Variants in ANKHD1 observed in about 807,000 individuals in gnomAD.
ANKHD1 encodes ankyrin repeat and KH domain-containing protein 1.
ANKHD1 carries 31 observed loss-of-function variants against 230.5 expected under a neutral mutation model. That is an observed-to-expected ratio of 0.13 (90% confidence interval 0.10 to 0.18). The LOEUF (loss-of-function observed/expected upper bound fraction) is 0.18. Ranked by LOEUF, ANKHD1 falls within the 10% of genes least tolerant of loss-of-function variation. ANKHD1 has a pLI of 1.00. For missense variants in ANKHD1, 2,256 were observed against 3,071.3 expected (o/e 0.73, Z 6.27); for synonymous variants, 1,074 against 1,117.6 (o/e 0.96, Z 0.78).
At chr5:140,504,566 C>A (rs1752466162) in intron 15 of ANKHD1, among the ~76,000 whole-genome samples, 1 of 152,096 alleles carries the variant, frequency 6.6e-6, no homozygotes, top group Non-Finnish European at 1.5e-5. Flanking sequence ...CAATAACCTT[C>A]CAAGGCAGGT....
chr5:140,405,941 T>C (rs937725797), intron 1 of ANKHD1, among the ~76,000 whole-genome samples: 3 of 150,046 alleles, frequency 2.0e-5, no homozygotes, highest in African/African-American at 7.3e-5. Flanking sequence ...CCTTCATTTT[T>C]CCTAAATATT....
At chr5:140,537,264 T>C in intron 30 of ANKHD1, 125 bp from the exon 31 acceptor site, 4 of 1,434,854 alleles carry the variant, frequency 2.8e-6, no homozygotes, top group East Asian at 2.6e-5. Flanking sequence ...GGAATAGATC[T>C]TTCCAACAAG....
At chr5:140,423,825 A>G (rs1223366266) in intron 1 of ANKHD1, among the ~76,000 whole-genome samples, 6 of 152,156 alleles carry the variant, frequency 3.9e-5, no homozygotes, top group Admixed American at 1.3e-4. Context: ...CAACAGTGTT[A>G]GGAGGTTGGG....
chr5:140,497,301 A>C, intron 15 of ANKHD1, 23 bp downstream of exon 15: 2 of 1,572,666 alleles, frequency 1.3e-6, no homozygotes, highest in Non-Finnish European at 8.6e-7. Context: ...ATATATCTGT[A>C]ATAATTTCTC....
At chr5:140,482,290 T>G (rs1751315043) in intron 10 of ANKHD1, among the ~76,000 whole-genome samples, 1 of 152,110 alleles carries the variant, frequency 6.6e-6, no homozygotes, top group African/African-American at 2.4e-5. Flanking sequence ...TTTTTAAAAC[T>G]TAGAATTAGA....
chr5:140,485,397 A>C lies in ANKHD1; in HGVS notation c.1998+149A>C, dbSNP rs1030669401. 7 of 664,314 alleles carry C rather than the reference A, an allele frequency of 1.1e-5. No individual in the cohort carries two copies. Among genetic ancestry groups the C allele is most frequent in the Non-Finnish European group, 1.6e-5 (7 of 438,082 alleles). The allele number at this position is 664,314 out of a possible 1,614,324, so 41.2% of individuals were successfully genotyped here. A position where few individuals can be genotyped will look rare whatever the true frequency, so the allele number is the denominator to read the frequency against. On this transcript the variant is annotated intron_variant, in intron 12 of 33. Coordinates refer to ENST00000360839, the MANE Select transcript of ANKHD1 (RefSeq NM_017747.3). This position sits in a 1 kb window ranked among gnomAD's most constrained non-coding sequence, Gnocchi z 4.8. ...CATAAGGAGACCCCATCTCTATTAA[A>C]ACACACACACACACACACACACACA...
chr5:140,402,175 G>A lies in ANKHD1; in HGVS notation c.208G>A (p.Gly70Arg), dbSNP rs776156839. 1 of 1,527,378 alleles carries A rather than the reference G, an allele frequency of 6.5e-7. No homozygotes were observed. The allele number at this position is 1,527,378 out of a possible 1,614,324, so 94.6% of individuals were successfully genotyped here. A position where few individuals can be genotyped will look rare whatever the true frequency, so the allele number is the denominator to read the frequency against. ...CGGCGGCAGCGGCAGCGGTACGGGC[G>A]GAGGGGACGCGGCGCTGGATTTCAA... ...GGGGSGSGTG[G>R]GDAALDFKLA... is the part of the protein sequence containing the mutation. Residue 70 changes from glycine to arginine, a missense_variant, in exon 1 of 34, where the codon GGA becomes AGA. Coordinates refer to ENST00000360839, the MANE Select transcript of ANKHD1 (RefSeq NM_017747.3).
intron 24 of ANKHD1, among the ~76,000 whole-genome samples, chr5:140,514,964 G>A (rs1752928958): frequency 7.4e-6 from 1 of 134,456 alleles, no homozygotes; most frequent in Non-Finnish European, 1.6e-5. Flanking sequence ...GGGTGACAGA[G>A]CAAGACCCTG....
chr5:140,513,258 CTT>C, intron 23 of ANKHD1, 103 bp from the exon 24 acceptor site: 1 of 1,174,270 alleles, frequency 8.5e-7, no homozygotes. Context: ...GGTTTAGTGA[CTT>C]TTCAGTTTGA....
intron 1 of ANKHD1, among the ~76,000 whole-genome samples, chr5:140,415,879 C>CTGTACCCAT (rs1196417746): frequency 1.3e-5 from 2 of 152,008 alleles, no homozygotes; most frequent in Admixed American, 6.6e-5. Context: ...TGTTGGTGTG[C>CTGTACCCAT]TGTACCCATT....
In ANKHD1 at chr5:140,527,080, T is replaced by C. The variant is rs373984175; in HGVS notation, c.5087+6T>C. On this transcript the variant is annotated splice_donor_region_variant and intron_variant, in intron 27 of 33. Coordinates refer to ENST00000360839, the MANE Select transcript of ANKHD1 (RefSeq NM_017747.3). The surrounding 1 kb of genome is among the most constrained non-coding windows in gnomAD (Gnocchi z 4.5). ...TGGAAAGAAGTTGTACGAAGGTAAA[T>C]AGAATTAGTTCCATCTTTTTAGCTT... is the stretch of plus-strand genomic sequence containing the variant. 47 of 1,609,196 alleles carry C rather than the reference T, an allele frequency of 2.9e-5. No homozygotes were observed. The African/African-American group carries it at 5.3e-4, about 18-fold the overall frequency.
At chr5:140,446,392 G>A (rs189398428) in intron 6 of ANKHD1, among the ~76,000 whole-genome samples, 17 of 152,220 alleles carry the variant, frequency 1.1e-4, no homozygotes, top group South Asian at 4.1e-4. Context: ...ACAGAATGTC[G>A]CTCTGTCACC....
intron 31 of ANKHD1, 146 bp from the exon 32 acceptor site, chr5:140,537,940 G>T: frequency 1.5e-6 from 2 of 1,300,832 alleles, no homozygotes; most frequent in African/African-American, 3.0e-5. Context: ...GGTTTTTTTT[G>T]GCTAGCAAGA....
At chr5:140,404,947 C>G (rs578084628) in intron 1 of ANKHD1, among the ~76,000 whole-genome samples, 5 of 148,618 alleles carry the variant, frequency 3.4e-5, no homozygotes, top group Non-Finnish European at 7.4e-5. Flanking sequence ...TTGTCTCTCT[C>G]TCTTTCTGAC....
chr5:140,439,576 A>T (rs1407696619), intron 3 of ANKHD1, among the ~76,000 whole-genome samples: 1 of 152,196 alleles, frequency 6.6e-6, no homozygotes, highest in Non-Finnish European at 1.5e-5. Context: ...AGGCTAAGAC[A>T]CAAGAATCAC....
chr5:140,450,689 G>A (rs538255557), intron 7 of ANKHD1, among the ~76,000 whole-genome samples: 14 of 152,158 alleles, frequency 9.2e-5, no homozygotes, highest in African/African-American at 3.4e-4. Flanking sequence ...AGAGGGGCAC[G>A]TTACCATGCC....
intron 1 of ANKHD1, among the ~76,000 whole-genome samples, chr5:140,419,454 C>CTT (rs144115557): frequency 5.7e-4 from 75 of 131,626 alleles, no homozygotes; most frequent in African/African-American, 8.7e-4. Flanking sequence ...TTCTTTCTTT[C>CTT]TTTTTTTTTT....
chr5:140,526,822 G>C (rs898381791), intron 26 of ANKHD1, 106 bp from the exon 27 acceptor site: 11 of 1,409,964 alleles, frequency 7.8e-6, no homozygotes, highest in African/African-American at 4.4e-5. Flanking sequence ...ATGTGCCAAA[G>C]TTTAATACGA....
At chr5:140,422,810 G>T (rs1465094464) in intron 1 of ANKHD1, among the ~76,000 whole-genome samples, 1 of 120,598 alleles carries the variant, frequency 8.3e-6, no homozygotes, top group Non-Finnish European at 1.9e-5. Context: ...ACTCTGTCTT[G>T]GGGGGGAAAA....
Sources: allele counts gnomAD v4.1 joint callset (sites outside exome capture counted in the v4.1 genomes callset), GRCh38; gene constraint gnomAD v4.1.1; non-coding constraint Gnocchi (gnomAD v3.1); transcripts MANE v1.5; gene names NCBI Gene and HGNC (gene_info 2026-07-23, HGNC 2026-07-21).